DCAF1: variants seen among roughly 807,000 people sequenced by gnomAD.
The protein encoded by DCAF1 is DDB1- and CUL4-associated factor 1.
In DCAF1, 15 loss-of-function variants were observed where a neutral mutation model predicts 128.0. That is an observed-to-expected ratio of 0.12 (90% CI 0.08 to 0.18). The LOEUF is 0.18. DCAF1 is among the 10% of genes least tolerant of loss of function. DCAF1 has a pLI of 1.00. For synonymous variants in DCAF1, 610 were observed against 603.0 expected, an observed-to-expected ratio of 1.01 and a Z score of -0.17; for missense variants, 988 against 1,649.5, an observed-to-expected ratio of 0.60 and a Z score of 6.95.
At chr3:51,501,919 C>G (rs1400909671), upstream of DCAF1, among the ~76,000 whole-genome samples, 2 of 152,194 alleles carry the variant, frequency 1.3e-5, no homozygotes, top group African/African-American at 4.8e-5. Flanking sequence ...GCCACACACA[C>G]AGGGAAGATA....
intron 15 of DCAF1, 68 bp from the exon 16 acceptor site, chr3:51,418,944 G>T: frequency 6.8e-7 from 1 of 1,480,778 alleles, no homozygotes; most frequent in African/African-American, 1.4e-5. Flanking sequence ...AAACTGCTAG[G>T]ATAGAAGAAA....
chr3:51,442,039 T>C, intron 7 of DCAF1, 142 bp from the exon 8 acceptor site: 1 of 1,180,122 alleles, frequency 8.5e-7, no homozygotes, highest in Non-Finnish European at 1.2e-6. Context: ...GATAAATGCG[T>C]TGCTTTGATT....
intron 5 of DCAF1, among the ~76,000 whole-genome samples, chr3:51,466,260 T>C (rs1261351554): frequency 6.6e-6 from 1 of 152,124 alleles, no homozygotes; most frequent in African/African-American, 2.4e-5. Flanking sequence ...GGCTTAAGTC[T>C]GTCAGTGAAC....
chr3:51,454,424 T>C (rs1553642301), intron 6 of DCAF1, among the ~76,000 whole-genome samples: 1 of 152,084 alleles, frequency 6.6e-6, no homozygotes, highest in Non-Finnish European at 1.5e-5. Context: ...TGGAGTGGCA[T>C]GATTTTATCT....
At chr3:51,489,879 G>A (rs1417996964) in intron 2 of DCAF1, among the ~76,000 whole-genome samples, 3 of 150,574 alleles carry the variant, frequency 2.0e-5, no homozygotes, top group Non-Finnish European at 4.4e-5. Flanking sequence ...AGTTGAAAAG[G>A]AAGAAGTAAA....
chr3:51,488,244 T>A (rs1707205221), intron 2 of DCAF1, among the ~76,000 whole-genome samples: 1 of 152,164 alleles, frequency 6.6e-6, no homozygotes, highest in South Asian at 2.1e-4. Context: ...ACTTCCTAAT[T>A]CATTCCATGA....
downstream of DCAF1, chr3:51,397,290 C>T (rs2089262028): frequency 6.0e-6 from 1 of 167,062 alleles, no homozygotes; most frequent in Non-Finnish European, 1.5e-5. Flanking sequence ...TCCCTGGTAC[C>T]TTGCCTGGTG....
intron 9 of DCAF1, among the ~76,000 whole-genome samples, chr3:51,439,065 C>T (rs571096905): frequency 6.6e-6 from 1 of 152,250 alleles, no homozygotes; most frequent in East Asian, 1.9e-4. Context: ...AAGTGTGGAC[C>T]TTGTGAATTA....
At chr3:51,504,005 C>G (rs1553664855), upstream of DCAF1, among the ~76,000 whole-genome samples, 1 of 151,438 alleles carries the variant, frequency 6.6e-6, no homozygotes, top group African/African-American at 2.4e-5. Context: ...CTGTATTGGC[C>G]TTGGCTCCAA....
chr3:51,503,464 A>T (rs904386703), upstream of DCAF1, among the ~76,000 whole-genome samples: 6 of 152,012 alleles, frequency 3.9e-5, no homozygotes, highest in Non-Finnish European at 7.4e-5. Flanking sequence ...CCACAAGCCC[A>T]TCCTCACCCT....
chr3:51,482,708 T>C (rs1459997656), intron 3 of DCAF1, among the ~76,000 whole-genome samples: 1 of 131,500 alleles, frequency 7.6e-6, no homozygotes, highest in Non-Finnish European at 1.5e-5. Context: ...GAGGTTGCAG[T>C]GAGCCGAGAT....
chr3:51,459,365 T>C (rs1553643869), intron 6 of DCAF1, among the ~76,000 whole-genome samples: 4 of 151,832 alleles, frequency 2.6e-5, no homozygotes, highest in Admixed American at 1.3e-4. Flanking sequence ...AGGAAGAAGT[T>C]GAATCTCTGA....
At position 51,420,746 on chromosome 3, in the gene DCAF1, G is replaced by A. The variant is rs1553632276; in HGVS notation, c.2224C>T (p.Leu742=). 1.9e-6 allele frequency: 3 copies of A among 1,613,952 alleles called. No homozygotes were observed. Among genetic ancestry groups the A allele is most frequent in the Non-Finnish European group, 2.5e-6 (3 of 1,179,912 alleles). Residue 742 remains leucine (L), a synonymous_variant, in exon 15 of 25, where the codon CTG becomes TTG. Coordinates refer to ENST00000684031, the MANE Select transcript of DCAF1 (RefSeq NM_001387579.1). This position sits in a 1 kb window ranked among gnomAD's most constrained non-coding sequence, Gnocchi z 6.5. ...TCTGTGATGGGCATCTTAATGGACAGTAAGGACAGGAGCACCTTGATGCCG... is the reference window on the plus strand; with the variant it reads ...TCTGTGATGGGCATCTTAATGGACAATAAGGACAGGAGCACCTTGATGCCG... ...NNGIKVLLSL[L]SIKMPITDAD...
intron 2 of DCAF1, among the ~76,000 whole-genome samples, chr3:51,493,401 C>T (rs940678389): frequency 1.3e-5 from 2 of 151,784 alleles, no homozygotes; most frequent in Admixed American, 6.6e-5. Context: ...GCCAAGATTA[C>T]GCCATTGCAC....
At chr3:51,500,156 A>G (rs1353376859), upstream of DCAF1, among the ~76,000 whole-genome samples, 3 of 143,412 alleles carry the variant, frequency 2.1e-5, no homozygotes, top group Non-Finnish European at 3.0e-5. Flanking sequence ...AAAAAAATCG[A>G]AGAGCCCCGG....
chr3:51,497,951 G>A (rs1233716932), intron 1 of DCAF1, among the ~76,000 whole-genome samples: 1 of 149,420 alleles, frequency 6.7e-6, no homozygotes, highest in Non-Finnish European at 1.5e-5. Flanking sequence ...TTGGGAGGCT[G>A]AGGCACGAGA....
At chr3:51,455,669 C>T (rs1164396921) in intron 6 of DCAF1, among the ~76,000 whole-genome samples, 1 of 151,986 alleles carries the variant, frequency 6.6e-6, no homozygotes, top group Non-Finnish European at 1.5e-5. Context: ...GAGGCTGAGG[C>T]AGGCAGATCA....
chr3:51,454,314 C>A (rs1702660431), intron 6 of DCAF1, among the ~76,000 whole-genome samples: 2 of 152,114 alleles, frequency 1.3e-5, no homozygotes, highest in Admixed American at 1.3e-4. Context: ...CTCACAAACT[C>A]CTGGGATTAC....
intron 23 of DCAF1, among the ~76,000 whole-genome samples, chr3:51,405,815 A>G (rs907132621): frequency 2.0e-5 from 3 of 152,198 alleles, no homozygotes; most frequent in East Asian, 1.9e-4. Context: ...GATCTAAAGA[A>G]TAAAGCTTCC....
Sources: gnomAD v4.1 joint callset for allele counts (sites outside exome capture counted in the v4.1 genomes callset) on GRCh38, gnomAD v4.1.1 for gene constraint, Gnocchi (gnomAD v3.1) non-coding constraint, MANE v1.5 for transcripts, NCBI Gene and HGNC (gene_info 2026-07-23, HGNC 2026-07-21) for gene names.